Variants in CASP4 observed in about 807,000 individuals in gnomAD.
The protein encoded by CASP4 is caspase-4.
In CASP4, 29 loss-of-function variants were observed where a neutral mutation model predicts 41.3. The observed-to-expected ratio is 0.70, with a 90% CI of 0.52 to 0.96. CASP4 has a LOEUF of 0.96. Ranked by LOEUF, CASP4 falls within the 40% of genes least tolerant of loss-of-function variation. The pLI is 0.00. For synonymous variants in CASP4, 185 were observed against 158.4 expected, an observed-to-expected ratio of 1.17 and a Z score of -1.26; for missense variants, 447 against 460.6, an observed-to-expected ratio of 0.97 and a Z score of 0.27.
At chr11:104,955,137 G>T in intron 1 of CASP4, 136 bp from the exon 2 acceptor site, 1 of 820,576 alleles carries the variant, frequency 1.2e-6, no homozygotes, top group Non-Finnish European at 1.9e-6. Context: ...TGTACCTATA[G>T]AGTTCTGTCA....
Position 104,954,748 on chromosome 11 carries a change from T to C in CASP4, c.261A>G (p.Lys87=), listed in dbSNP as rs1225408165. Residue 87 remains lysine (K), a splice_region_variant and synonymous_variant, in exon 2 of 9, where the codon AAA becomes AAG. Coordinates refer to ENST00000444739, the MANE Select transcript of CASP4 (RefSeq NM_001225.4). ...TCATTGTAAAAAATCCAGTCTTACCTTTTTTATTGGGGGATATTTGGTCTA... is the reference window on the plus strand; with the variant it reads ...TCATTGTAAAAAATCCAGTCTTACCCTTTTTATTGGGGGATATTTGGTCTA... The part of the protein sequence containing the change: ...FNIDQISPNK[K]AHPNMEAGPP... 1.2e-6 allele frequency: 2 copies of C among 1,611,944 alleles called. No individual in the cohort carries two copies. Among genetic ancestry groups the C allele is most frequent in the Non-Finnish European group, 8.5e-7 (1 of 1,178,952 alleles).
intron 5 of CASP4, 161 bp from the exon 6 acceptor site, chr11:104,948,837 C>CACACACAA: frequency 2.2e-6 from 1 of 458,512 alleles, no homozygotes. Flanking sequence ...CACACACACA[C>CACACACAA]CACTTTTCTT....
intron 1 of CASP4, among the ~76,000 whole-genome samples, chr11:104,958,584 G>C (rs1860788259): frequency 6.6e-6 from 1 of 152,084 alleles, no homozygotes; most frequent in Admixed American, 6.6e-5. Context: ...TGCACCTGTT[G>C]GAATGGCTAT....
chr11:104,967,842 A>G lies in CASP4; in HGVS notation c.7+677T>C, dbSNP rs147442845. Among the ~76,000 whole-genome samples the G allele has an allele frequency of 7.3e-3, 1,111 of 152,286 alleles. 12 individuals carry two copies. Among genetic ancestry groups the G allele is most frequent in the African/African-American group, 0.024 (1,008 of 41,568 alleles). ...AAGAAGCGTTATGACCTGCTGGAAT[A>G]CTAGCTGCCTAAGTAACTCTATCCC... On this transcript the variant is annotated intron_variant, in intron 1 of 8. Transcript: ENST00000444739.
In CASP4 at chr11:104,954,743, T is replaced by G; in HGVS notation, c.262+4A>C. 1 of 1,612,128 alleles carries G rather than the reference T, an allele frequency of 6.2e-7. No homozygotes were observed. The highest frequency in any genetic ancestry group is 8.5e-7 in the Non-Finnish European group (1 of 1,179,104). ...GACATTCATTGTAAAAAATCCAGTC[T>G]TACCTTTTTTATTGGGGGATATTTG... On this transcript the variant is annotated splice_donor_region_variant and intron_variant, in intron 2 of 8. Coordinates refer to ENST00000444739, the MANE Select transcript of CASP4 (RefSeq NM_001225.4).
In CASP4 at chr11:104,948,545, A is replaced by T. The variant is rs200216749; in HGVS notation, c.913T>A (p.Ser305Thr). The change falls in exon 6 of 9, where the codon TCT (serine) becomes ACT (threonine). Residue 305 changes from serine to threonine, a missense_variant. Physicochemically the swap from Ser to Thr is moderately conservative, Grantham distance 58. Coordinates refer to ENST00000444739, the MANE Select transcript of CASP4 (RefSeq NM_001225.4). ...GAAAGATACATACGTGGCGTTGAAG[A>T]GCAGAAAGCAATGAAGTCCTTCTCC... ...HVEKDFIAFC[S>T]STPHNVSWRD... The T allele has an allele frequency of 3.1e-5, 49 of 1,605,602 alleles. No homozygotes were observed. The highest frequency in any genetic ancestry group is 4.1e-5 in the Non-Finnish European group (48 of 1,174,766).
At chr11:104,964,928 G>A (rs1370935939) in intron 1 of CASP4, among the ~76,000 whole-genome samples, 4 of 152,140 alleles carry the variant, frequency 2.6e-5, no homozygotes, top group African/African-American at 9.7e-5. Flanking sequence ...AATTATTCTT[G>A]TTGCACTTCA....
chr11:104,957,041 C>T lies in CASP4; in HGVS notation c.8-2040G>A, dbSNP rs535436515. Among the ~76,000 whole-genome samples the T allele has an allele frequency of 6.6e-5, 10 of 152,158 alleles. No individual in the cohort carries two copies. In the South Asian group the frequency reaches 1.2e-3, roughly 19 times the overall value. On this transcript the variant is annotated intron_variant, in intron 1 of 8. Coordinates refer to ENST00000444739, the MANE Select transcript of CASP4 (RefSeq NM_001225.4). Reference sequence around the variant, plus strand: ...ATTCACATTTACCACTTCCATTCAACGTAGTTCTGACCAGAGCAATTCGCC... The same window carrying T: ...ATTCACATTTACCACTTCCATTCAATGTAGTTCTGACCAGAGCAATTCGCC...
chr11:104,953,436 C>G (rs1247161928), intron 2 of CASP4, among the ~76,000 whole-genome samples: 1 of 152,138 alleles, frequency 6.6e-6, no homozygotes, highest in African/African-American at 2.4e-5. Context: ...TATTCTAATT[C>G]CCATTAGTTG....
Position 104,954,762 on chromosome 11 carries a change from A to T in CASP4, c.247T>A (p.Ser83Thr). The stretch of plus-strand genomic sequence containing the variant: ...CCAGTCTTACCTTTTTTATTGGGGG[A>T]TATTTGGTCTATGTTAAAAAAGGTT... ...LQTFFNIDQI[S>T]PNKKAHPNME... The change falls in exon 2 of 9, where the codon TCC (serine) becomes ACC (threonine). Residue 83 changes from serine (S) to threonine (T), a missense_variant. Ser to Thr is a moderately conservative substitution (Grantham distance 58). Transcript: ENST00000444739. The T allele has an allele frequency of 6.2e-7, 1 of 1,611,642 alleles. No individual in the cohort carries two copies. Among genetic ancestry groups the T allele is most frequent in the African/African-American group, 1.3e-5 (1 of 74,762 alleles).
At chr11:104,959,127 T>C (rs1239903433) in intron 1 of CASP4, among the ~76,000 whole-genome samples, 1 of 152,150 alleles carries the variant, frequency 6.6e-6, no homozygotes, top group Admixed American at 6.5e-5. Context: ...AGGAGATATC[T>C]GAACTTCTAT....
intron 5 of CASP4, chr11:104,949,306 G>T: frequency 1.9e-6 from 1 of 535,918 alleles, no homozygotes; most frequent in Non-Finnish European, 3.3e-6. Context: ...TTGATTTAGG[G>T]ATTCTGATGA....
rs761102948 is a variant in CASP4 at position 104,947,195 on chromosome 11, A to C, written c.926-3T>G. On this transcript the variant is annotated splice_region_variant and splice_polypyrimidine_tract_variant and intron_variant, in intron 6 of 8. Coordinates refer to ENST00000444739, the MANE Select transcript of CASP4 (RefSeq NM_001225.4). ...GCTGTCTCTCCAGGACACGTTGTCT[A>C]TAATGATACAGATGGGTATGCCTTG... 1 of 1,558,906 alleles carries C rather than the reference A, an allele frequency of 6.4e-7. No homozygotes were observed. Among genetic ancestry groups the C allele is most frequent in the Non-Finnish European group, 8.8e-7 (1 of 1,131,946 alleles).
intron 1 of CASP4, among the ~76,000 whole-genome samples, chr11:104,960,059 T>C (rs1248744447): frequency 1.3e-5 from 2 of 152,224 alleles, no homozygotes; most frequent in East Asian, 1.9e-4. Context: ...TTTCTGATAC[T>C]GTTCCCACCT....
At chr11:104,956,349 C>T (rs1319116452) in intron 1 of CASP4, among the ~76,000 whole-genome samples, 1 of 151,920 alleles carries the variant, frequency 6.6e-6, no homozygotes, top group Non-Finnish European at 1.5e-5. Context: ...TATAGTTAAT[C>T]ATGATATGGT....
intron 1 of CASP4, among the ~76,000 whole-genome samples, chr11:104,962,410 T>C (rs934386889): frequency 2.0e-5 from 3 of 152,296 alleles, no homozygotes; most frequent in Admixed American, 2.0e-4. Flanking sequence ...GAAAAAAGAA[T>C]TTACAAGACT....
Position 104,954,729 on chromosome 11 carries a change from TA to T in CASP4, c.262+17del. ...TTAGGGAAAATTGAGACATTCATTG[TA>T]AAAAATCCAGTCTTACCTTTTTTAT... is the stretch of plus-strand genomic sequence containing the variant. On this transcript the variant is annotated intron_variant, in intron 2 of 8. Coordinates refer to ENST00000444739, the MANE Select transcript of CASP4 (RefSeq NM_001225.4). 6.2e-7 allele frequency: 1 copy of T among 1,609,306 alleles called. No homozygotes were observed. The highest frequency in any genetic ancestry group is 8.5e-7 in the Non-Finnish European group (1 of 1,177,402).
At chr11:104,949,147 A>C (rs1046899154) in intron 5 of CASP4, 6 of 280,064 alleles carry the variant, frequency 2.1e-5, no homozygotes, top group Non-Finnish European at 2.7e-5. Flanking sequence ...AATAATTATA[A>C]GAAAAAGGGA....
intron 8 of CASP4, 22 bp downstream of exon 8, chr11:104,944,726 C>A: frequency 7.0e-7 from 1 of 1,431,450 alleles, no homozygotes; most frequent in Non-Finnish European, 9.9e-7. Flanking sequence ...TCACATACCA[C>A]CAACAACTCT....
Sources: allele counts gnomAD v4.1 joint callset (sites outside exome capture counted in the v4.1 genomes callset), GRCh38; gene constraint gnomAD v4.1.1; transcripts MANE v1.5; gene names NCBI Gene and HGNC (gene_info 2026-07-23, HGNC 2026-07-21).